The following ARHGEF10L variants were observed in gnomAD, a reference collection of about 807,000 sequenced individuals.
The protein encoded by ARHGEF10L is Rho guanine nucleotide exchange factor 10 like.
ARHGEF10L carries 69 observed loss-of-function variants against 141.2 expected under a neutral mutation model. The observed-to-expected ratio is 0.49, with a 90% CI of 0.40 to 0.60. The LOEUF (loss-of-function observed/expected upper bound fraction) is 0.60. Ranked by LOEUF, ARHGEF10L falls within the 20% of genes least tolerant of loss-of-function variation. The probability of loss-of-function intolerance (pLI) is 0.00; values close to 1 mark genes in which losing one functional copy is unlikely to be tolerated. For synonymous variants in ARHGEF10L, 711 were observed against 718.5 expected, an observed-to-expected ratio of 0.99 and a Z score of 0.17; for missense variants, 1,482 against 1,734.3, an observed-to-expected ratio of 0.85 and a Z score of 2.58.
At chr1:17,598,586 T>A (rs548342770) in intron 4 of ARHGEF10L, among the ~76,000 whole-genome samples, 2 of 152,284 alleles carry the variant, frequency 1.3e-5, no homozygotes, top group South Asian at 4.1e-4. Flanking sequence ...ATCCCAACCA[T>A]GGGGGCTCTG....
intron 4 of ARHGEF10L, among the ~76,000 whole-genome samples, chr1:17,593,033 C>A (rs2079705178): frequency 6.6e-6 from 1 of 152,178 alleles, no homozygotes; most frequent in East Asian, 1.9e-4. Context: ...AGTTTCCAAT[C>A]AGAGCCAGGA....
intron 2 of ARHGEF10L, among the ~76,000 whole-genome samples, chr1:17,586,241 A>G (rs2100620722): frequency 6.6e-6 from 1 of 152,342 alleles, no homozygotes; most frequent in Non-Finnish European, 1.5e-5. Context: ...TGCTGTTTTT[A>G]TTCTCCAGTT....
intron 4 of ARHGEF10L, among the ~76,000 whole-genome samples, chr1:17,597,636 A>T (rs569089516): frequency 6.6e-6 from 1 of 152,148 alleles, no homozygotes; most frequent in Non-Finnish European, 1.5e-5. Context: ...CCTGAGAGCA[A>T]GGCTTTGCAG....
intron 2 of ARHGEF10L, among the ~76,000 whole-genome samples, chr1:17,581,294 A>G (rs2078525895): frequency 1.5e-5 from 2 of 134,960 alleles, no homozygotes; most frequent in South Asian, 5.4e-4. Context: ...CCTGGGTGAC[A>G]GAGCAAGACT....
chr1:17,602,319 AG>A (rs1162962964), intron 5 of ARHGEF10L, 101 bp downstream of exon 5: 1 of 1,367,398 alleles, frequency 7.3e-7, no homozygotes, highest in East Asian at 2.5e-5. Flanking sequence ...CTGTGAGCCC[AG>A]GGTTCATCCT....
the ARHGEF10L span, among the ~76,000 whole-genome samples, chr1:17,519,080 C>G: frequency 6.6e-6 from 1 of 151,690 alleles, no homozygotes; most frequent in Admixed American, 6.6e-5. Context: ...GAGGCTGAGG[C>G]AGGAGAATCG....
At chr1:17,523,373 G>A in the ARHGEF10L span, among the ~76,000 whole-genome samples, 1 of 152,102 alleles carries the variant, frequency 6.6e-6, no homozygotes, top group Non-Finnish European at 1.5e-5. Flanking sequence ...ACAGGTGTGA[G>A]CCACCGCGCC....
chr1:17,663,765 A>G (rs1277782720), intron 25 of ARHGEF10L, among the ~76,000 whole-genome samples: 1 of 152,104 alleles, frequency 6.6e-6, no homozygotes, highest in Non-Finnish European at 1.5e-5. Flanking sequence ...CATTTTACAG[A>G]TGGGGAAACT....
chr1:17,647,765 T>C (rs889972777), intron 21 of ARHGEF10L, among the ~76,000 whole-genome samples: 2 of 151,624 alleles, frequency 1.3e-5, no homozygotes, highest in African/African-American at 4.8e-5. Flanking sequence ...GGGGCCACTG[T>C]AGTCAGGGTG....
chr1:17,683,184 G>A (rs1228636334), intron 26 of ARHGEF10L, among the ~76,000 whole-genome samples: 1 of 124,128 alleles, frequency 8.1e-6, no homozygotes, highest in Non-Finnish European at 1.7e-5. Context: ...GGTGCTCACT[G>A]CCCCCTGCTC....
chr1:17,642,858 C>G (rs3766305), intron 21 of ARHGEF10L, among the ~76,000 whole-genome samples: 1 of 152,302 alleles, frequency 6.6e-6, no homozygotes, highest in South Asian at 2.1e-4. Flanking sequence ...GAGAAGTGCC[C>G]GAGCCCCATG....
chr1:17,681,989 T>A (rs10888047), intron 26 of ARHGEF10L, among the ~76,000 whole-genome samples: 2,130 of 148,464 alleles, frequency 0.014, 53 homozygotes, highest in African/African-American at 0.049. Flanking sequence ...TTCCTAGATT[T>A]AAAAAAAAAA....
Position 17,627,382 on chromosome 1 carries a change from T to G in ARHGEF10L, c.1463T>G (p.Leu488Arg). Residue 488 changes from leucine to arginine, a missense_variant, in exon 15 of 29, where the codon CTG becomes CGG. Physicochemically the swap from Leu to Arg is moderately radical, Grantham distance 102 (BLOSUM62 -2). This residue lies in a region of ARHGEF10L where 392 missense variants were observed against 542.1 expected (regional missense o/e 0.72). Coordinates refer to ENST00000361221, the MANE Select transcript of ARHGEF10L (RefSeq NM_018125.4). This position sits in a 1 kb window ranked among gnomAD's most constrained non-coding sequence, Gnocchi z 4.0. ...RGHPDRLSLQ[L>R]ALTELETLAE... ...CATCCGGACAGGCTGTCGCTGCAGC[T>G]GGCCCTCACAGAGCTGGAGACGCTG... The G allele has an allele frequency of 6.2e-7, 1 of 1,614,096 alleles. No homozygotes were observed. The highest frequency in any genetic ancestry group is 8.5e-7 in the Non-Finnish European group (1 of 1,180,034).
At chr1:17,640,838 G>C (rs1411329897) in intron 21 of ARHGEF10L, among the ~76,000 whole-genome samples, 1 of 152,190 alleles carries the variant, frequency 6.6e-6, no homozygotes, top group Non-Finnish European at 1.5e-5. Context: ...TTTTCTTCCT[G>C]TGCACCCCAT....
intron 26 of ARHGEF10L, among the ~76,000 whole-genome samples, chr1:17,678,419 T>G (rs981534600): frequency 6.4e-5 from 9 of 140,778 alleles, no homozygotes; most frequent in African/African-American, 2.7e-4. Flanking sequence ...ATTTCAGGGT[T>G]TTTTTTTTTT....
At chr1:17,647,203 G>C (rs1279460380) in intron 21 of ARHGEF10L, among the ~76,000 whole-genome samples, 4 of 152,178 alleles carry the variant, frequency 2.6e-5, no homozygotes, top group Non-Finnish European at 5.9e-5. Flanking sequence ...TTCAGTCTTG[G>C]GTGTCAGATC....
At chr1:17,693,668 C>T (rs546028776) in intron 27 of ARHGEF10L, among the ~76,000 whole-genome samples, 3 of 152,234 alleles carry the variant, frequency 2.0e-5, no homozygotes, top group Non-Finnish European at 2.9e-5. Context: ...AAAATGGGGC[C>T]GGCATTTGTG....
Position 17,696,832 on chromosome 1 carries a change from G to T in ARHGEF10L, c.3308-16G>T. 1 of 1,518,692 alleles carries T rather than the reference G, an allele frequency of 6.6e-7. No individual in the cohort carries two copies. The highest frequency in any genetic ancestry group is 8.8e-7 in the Non-Finnish European group (1 of 1,131,890). 94.1% of individuals were successfully genotyped at this position (1,518,692 alleles called of 1,614,324 possible). A position where few individuals can be genotyped will look rare whatever the true frequency, so the allele number is the denominator to read the frequency against. ...GGGCCTTTGGGCCCCTTTCTCTCTCGCCCCATTTTCTGCAGGGAAAGGCAT... is the reference window on the plus strand; with the variant it reads ...GGGCCTTTGGGCCCCTTTCTCTCTCTCCCCATTTTCTGCAGGGAAAGGCAT... On this transcript the variant is annotated splice_polypyrimidine_tract_variant and intron_variant, in intron 28 of 28. Coordinates refer to ENST00000361221, the MANE Select transcript of ARHGEF10L (RefSeq NM_018125.4).
At chr1:17,614,623 G>A (rs894338798) in intron 8 of ARHGEF10L, among the ~76,000 whole-genome samples, 1 of 151,232 alleles carries the variant, frequency 6.6e-6, no homozygotes, top group African/African-American at 2.4e-5. Context: ...CCAACAAGAA[G>A]AAGATGAGCG....
Sources: gnomAD v4.1 joint callset for allele counts (sites outside exome capture counted in the v4.1 genomes callset) on GRCh38, gnomAD v4.1.1 for gene constraint, gnomAD v4.1.1 regional missense constraint, Gnocchi (gnomAD v3.1) non-coding constraint, MANE v1.5 for transcripts, NCBI Gene and HGNC (gene_info 2026-07-23, HGNC 2026-07-21) for gene names.